RBMS3: variants seen among roughly 807,000 people sequenced by gnomAD.
RBMS3 encodes RNA-binding motif, single-stranded-interacting protein 3.
RBMS3 carries 27 observed loss-of-function variants against 66.8 expected under a neutral mutation model. The observed-to-expected ratio is 0.40, with a 90% confidence interval of 0.30 to 0.56. The LOEUF (loss-of-function observed/expected upper bound fraction) is 0.56. RBMS3 is among the 20% of genes least tolerant of loss of function. The pLI, the probability that RBMS3 is intolerant of heterozygous loss-of-function variation, is 0.40. For synonymous variants in RBMS3, 188 were observed against 183.0 expected (o/e 1.03, Z -0.22); for missense variants, 513 against 549.5 (o/e 0.93, Z 0.66).
At chr3:29,379,266 C>T (rs1575661111) in intron 1 of RBMS3, among the ~76,000 whole-genome samples, 1 of 152,142 alleles carries the variant, frequency 6.6e-6, no homozygotes, top group South Asian at 2.1e-4. Context: ...CCTAAGAGTT[C>T]TGATATGTAG....
chr3:29,344,049 C>T (rs1181914428), intron 1 of RBMS3, among the ~76,000 whole-genome samples: 2 of 152,202 alleles, frequency 1.3e-5, no homozygotes, highest in South Asian at 2.1e-4. Context: ...GGACTTAGAT[C>T]TCTTTCCTAA....
chr3:29,857,826 C>A (rs1327276494), intron 6 of RBMS3, among the ~76,000 whole-genome samples: 2 of 152,080 alleles, frequency 1.3e-5, no homozygotes, highest in African/African-American at 4.8e-5. Flanking sequence ...TCAATCAAAT[C>A]AAATTCTCAT....
At chr3:29,495,683 G>A (rs1576008441) in intron 3 of RBMS3, among the ~76,000 whole-genome samples, 1 of 151,990 alleles carries the variant, frequency 6.6e-6, no homozygotes, top group African/African-American at 2.4e-5. Context: ...CTCCCAAAAT[G>A]CTGGGATTAC....
chr3:29,605,968 G>GTTTT (rs199500576), intron 4 of RBMS3, among the ~76,000 whole-genome samples: 85 of 140,882 alleles, frequency 6.0e-4, no homozygotes, highest in African/African-American at 2.1e-3. Flanking sequence ...AAACAAGGTA[G>GTTTT]TTTTTTTTTT....
At chr3:29,410,445 G>C (rs1033305890) in intron 1 of RBMS3, among the ~76,000 whole-genome samples, 6 of 152,142 alleles carry the variant, frequency 3.9e-5, no homozygotes, top group African/African-American at 1.4e-4. Context: ...GGCTAGTCTA[G>C]GCAAGGAAGC....
chr3:29,689,011 A>G (rs2051858802), intron 4 of RBMS3, among the ~76,000 whole-genome samples: 1 of 151,978 alleles, frequency 6.6e-6, no homozygotes, highest in Admixed American at 6.6e-5. Flanking sequence ...TATCTACTAA[A>G]CCTGTACCAA....
At chr3:29,435,867 C>A (rs2041380201) in intron 2 of RBMS3, among the ~76,000 whole-genome samples, 2 of 148,066 alleles carry the variant, frequency 1.4e-5, no homozygotes, top group Admixed American at 1.3e-4. Context: ...CCGAGCTACT[C>A]AGGAGGCTGA....
intron 3 of RBMS3, among the ~76,000 whole-genome samples, chr3:29,553,905 G>C (rs2046260933): frequency 6.6e-6 from 1 of 150,790 alleles, no homozygotes; most frequent in Admixed American, 6.6e-5. Flanking sequence ...CATCTTTTAA[G>C]TGTGGATACA....
chr3:29,373,543 G>T (rs890673750), intron 1 of RBMS3, among the ~76,000 whole-genome samples: 2 of 152,178 alleles, frequency 1.3e-5, no homozygotes, highest in Non-Finnish European at 2.9e-5. Flanking sequence ...CCTTGGTGTT[G>T]GTTTGAAAAA....
At chr3:29,361,664 C>G (rs1473836419) in intron 1 of RBMS3, among the ~76,000 whole-genome samples, 1 of 152,176 alleles carries the variant, frequency 6.6e-6, no homozygotes, top group Non-Finnish European at 1.5e-5. Flanking sequence ...GTTCCATTCT[C>G]CCCGTCACTT....
intron 6 of RBMS3, among the ~76,000 whole-genome samples, chr3:29,782,997 T>C (rs993481462): frequency 6.6e-6 from 1 of 151,728 alleles, no homozygotes; most frequent in South Asian, 2.1e-4. Context: ...AAAAAGAATT[T>C]AAAAAAAAGA....
intron 6 of RBMS3, among the ~76,000 whole-genome samples, chr3:29,795,836 A>G (rs1442387533): frequency 6.6e-6 from 1 of 152,216 alleles, no homozygotes; most frequent in Non-Finnish European, 1.5e-5. Context: ...TGATTAATTG[A>G]AAAATAGGAA....
intron 1 of RBMS3, among the ~76,000 whole-genome samples, chr3:29,393,795 G>A (rs1032117369): frequency 5.9e-5 from 9 of 152,206 alleles, no homozygotes; most frequent in African/African-American, 2.2e-4. Context: ...TGCCCCCTGA[G>A]CCACAAAACC....
intron 4 of RBMS3, among the ~76,000 whole-genome samples, chr3:29,673,253 T>C (rs1317407471): frequency 6.6e-6 from 1 of 152,162 alleles, no homozygotes; most frequent in Admixed American, 6.5e-5. Flanking sequence ...AAGCAGTGTG[T>C]AGAGAGAAAT....
intron 4 of RBMS3, among the ~76,000 whole-genome samples, chr3:29,622,629 G>A (rs762500031): frequency 2.6e-5 from 4 of 152,194 alleles, no homozygotes; most frequent in Non-Finnish European, 5.9e-5. Context: ...TTGTCTAGGA[G>A]AGGACCTGAA....
intron 3 of RBMS3, among the ~76,000 whole-genome samples, chr3:29,506,563 GC>G (rs1462151206): frequency 6.6e-6 from 1 of 151,934 alleles, no homozygotes; most frequent in African/African-American, 2.4e-5. Context: ...TTCTTGTCAG[GC>G]TTTGATGACA....
intron 1 of RBMS3, among the ~76,000 whole-genome samples, chr3:29,334,098 A>G (rs2035816101): frequency 6.6e-6 from 1 of 152,196 alleles, no homozygotes; most frequent in Admixed American, 6.5e-5. Flanking sequence ...TTTAAAAATT[A>G]TGTCTAAAGG....
intron 1 of RBMS3, among the ~76,000 whole-genome samples, chr3:29,403,062 A>T (rs749610441): frequency 3.9e-5 from 6 of 151,972 alleles, no homozygotes; most frequent in Non-Finnish European, 8.8e-5. Flanking sequence ...AGTACATGGG[A>T]TGTGGGGCTG....
intron 3 of RBMS3, among the ~76,000 whole-genome samples, chr3:29,531,910 C>T (rs974175598): frequency 5.3e-5 from 8 of 152,136 alleles, no homozygotes; most frequent in Non-Finnish European, 1.0e-4. Context: ...CTAGTATTTT[C>T]CCTCTTTTTC....
Sources: gnomAD v4.1 joint callset for allele counts (sites outside exome capture counted in the v4.1 genomes callset) on GRCh38, gnomAD v4.1.1 for gene constraint, MANE v1.5 for transcripts, NCBI Gene and HGNC (gene_info 2026-07-23, HGNC 2026-07-21) for gene names.